Variants in OPHN1 observed in about 807,000 individuals in gnomAD.
OPHN1 encodes oligophrenin-1.
OPHN1 carries 11 observed loss-of-function variants against 60.7 expected under a neutral mutation model. The observed-to-expected ratio is 0.18, with a 90% CI of 0.11 to 0.30. The LOEUF (loss-of-function observed/expected upper bound fraction) is 0.30, where lower values mean the gene tolerates loss of function less well. OPHN1 is among the 10% of genes least tolerant of loss of function. OPHN1 has a pLI of 1.00. For synonymous variants in OPHN1, 226 were observed against 222.6 expected, an observed-to-expected ratio of 1.02 and a Z score of -0.14; for missense variants, 449 against 611.0, an observed-to-expected ratio of 0.73 and a Z score of 2.80.
chrX:68,328,031 T>A (rs1284372181), intron 2 of OPHN1, among the ~76,000 whole-genome samples: 1 of 94,160 alleles, frequency 1.1e-5, no homozygotes, highest in African/African-American at 4.1e-5. Context: ...GGGTTTCACC[T>A]TGTTAGCCAG....
At chrX:68,317,984 C>T (rs1366747263) in intron 2 of OPHN1, among the ~76,000 whole-genome samples, 1 of 111,764 alleles carries the variant, frequency 8.9e-6, no homozygotes. Context: ...TATTTCAAAG[C>T]GTCTGTATTT....
intron 5 of OPHN1, among the ~76,000 whole-genome samples, chrX:68,259,494 T>C (rs1375221926): frequency 9.0e-6 from 1 of 111,162 alleles, no homozygotes; most frequent in Non-Finnish European, 1.9e-5. Context: ...AAAAAAGCAA[T>C]ATATAAAAGA....
At chrX:68,201,374 T>C (rs895137826) in intron 11 of OPHN1, among the ~76,000 whole-genome samples, 8 of 112,073 alleles carry the variant, frequency 7.1e-5, no homozygotes, top group African/African-American at 2.6e-4. Context: ...AGAGACTTTT[T>C]CTTCCCAGAG....
intron 2 of OPHN1, among the ~76,000 whole-genome samples, chrX:68,405,683 T>A (rs1286844648): frequency 9.0e-6 from 1 of 111,423 alleles, no homozygotes; most frequent in Non-Finnish European, 1.9e-5. Context: ...CAGGTCTAAG[T>A]GGTAGATGAG....
At chrX:68,222,410 C>T (rs1346910262) in intron 6 of OPHN1, among the ~76,000 whole-genome samples, 1 of 107,820 alleles carries the variant, frequency 9.3e-6, no homozygotes, top group East Asian at 3.0e-4. Flanking sequence ...ACCATTTGAC[C>T]CAGTCATCCC....
At chrX:68,162,312 T>C (rs770281481) in intron 15 of OPHN1, among the ~76,000 whole-genome samples, 39 of 110,723 alleles carry the variant, frequency 3.5e-4, no homozygotes, top group Non-Finnish European at 5.9e-4. Context: ...TGAGTTCTTA[T>C]AGACTCATTA....
chrX:68,364,106 G>A (rs972856405), intron 2 of OPHN1, among the ~76,000 whole-genome samples: 2 of 111,617 alleles, frequency 1.8e-5, no homozygotes, highest in Non-Finnish European at 3.8e-5. Context: ...TAATAAGAAC[G>A]CATTCTTCAT....
intron 19 of OPHN1, among the ~76,000 whole-genome samples, chrX:68,076,943 T>C (rs2076955953): frequency 8.9e-6 from 1 of 112,096 alleles, no homozygotes; most frequent in Non-Finnish European, 1.9e-5. Context: ...TACAAAACTT[T>C]AGGAAACACA....
At chrX:68,081,124 G>T (rs1428648466) in intron 19 of OPHN1, among the ~76,000 whole-genome samples, 3 of 111,854 alleles carry the variant, frequency 2.7e-5, no homozygotes, top group African/African-American at 9.8e-5. Context: ...AGATAAAGCA[G>T]CTCAATGACA....
chrX:68,107,907 G>C (rs2077088421), intron 18 of OPHN1, among the ~76,000 whole-genome samples: 1 of 111,909 alleles, frequency 8.9e-6, no homozygotes, highest in Admixed American at 9.5e-5. Flanking sequence ...CTGGAATAAT[G>C]TGAACATCCT....
At chrX:68,417,458 G>A (rs1237803373) in intron 2 of OPHN1, among the ~76,000 whole-genome samples, 5 of 112,103 alleles carry the variant, frequency 4.5e-5, no homozygotes, top group Non-Finnish European at 9.4e-5. Flanking sequence ...AAAAAGCAAA[G>A]GTGCAAGGCT....
At chrX:68,060,776 T>C (rs1383694675) in intron 21 of OPHN1, among the ~76,000 whole-genome samples, 1 of 111,394 alleles carries the variant, frequency 9.0e-6, no homozygotes, top group African/African-American at 3.3e-5. Context: ...AGAGCTGAAA[T>C]GGGGTGACAA....
chrX:68,226,955 G>A (rs771565865), intron 6 of OPHN1, among the ~76,000 whole-genome samples: 70 of 111,603 alleles, frequency 6.3e-4, no homozygotes, highest in African/African-American at 2.1e-3. Context: ...AAAGAGTCAA[G>A]TCCCATCATT....
intron 2 of OPHN1, among the ~76,000 whole-genome samples, chrX:68,377,711 G>C (rs2078567938): frequency 9.1e-6 from 1 of 109,742 alleles, no homozygotes; most frequent in African/African-American, 3.3e-5. Context: ...ATAGTTTACT[G>C]AGAATGATGA....
Position 68,046,179 on chromosome X carries a change from T to C in OPHN1, c.*993A>G, listed in dbSNP as rs142606476. The C allele has an allele frequency of 5.4e-5, 6 of 112,074 alleles. No individual in the cohort carries two copies. The highest frequency in any genetic ancestry group is 1.9e-4 in the African/African-American group (6 of 30,868). The allele number at this position is 112,074 out of a possible 1,213,427, so 9.2% of individuals were successfully genotyped here. A position where few individuals can be genotyped will look rare whatever the true frequency, so the allele number is the denominator to read the frequency against. Reference sequence around the variant, plus strand: ...TGTGCATACCATCTCAGGGGCATCATGGAGTTTCTGAGTCCATGGACACTG... The same window carrying C: ...TGTGCATACCATCTCAGGGGCATCACGGAGTTTCTGAGTCCATGGACACTG... On this transcript the variant is annotated 3_prime_UTR_variant, in exon 25 of 25. Coordinates refer to ENST00000355520, the MANE Select transcript of OPHN1 (RefSeq NM_002547.3).
chrX:68,078,559 G>A lies in OPHN1; in HGVS notation c.1687-5260C>T, dbSNP rs747766979. ...GTGAGTGTTATTAATGGAGATAAAC[G>A]CATCATATATTATTTCCCTTTGCTC... On this transcript the variant is annotated intron_variant, in intron 19 of 24. Transcript: ENST00000355520. 8.1e-4 allele frequency among the ~76,000 whole-genome samples: 90 copies of A among 111,468 alleles called. 1 individual carries two copies. The highest frequency in any genetic ancestry group is 2.8e-3 in the African/African-American group (86 of 30,659).
At position 68,213,853 on chromosome X, in the gene OPHN1, A is replaced by G; in HGVS notation, c.597+9T>C. ...ATTTTTAGACCATTCATCAACAGAG[A>G]AAACTTACAGGCTCCACAATATTGA... On this transcript the variant is annotated intron_variant, in intron 7 of 24. Transcript: ENST00000355520. 1 of 1,084,050 alleles carries G rather than the reference A, an allele frequency of 9.2e-7. No homozygotes were observed. Among genetic ancestry groups the G allele is most frequent in the Non-Finnish European group, 1.3e-6 (1 of 781,371 alleles). 89.3% of individuals were successfully genotyped at this position (1,084,050 alleles called of 1,213,427 possible).
chrX:68,177,598 A>T (rs1023158744), intron 15 of OPHN1, among the ~76,000 whole-genome samples: 1 of 111,342 alleles, frequency 9.0e-6, no homozygotes, highest in Non-Finnish European at 1.9e-5. Flanking sequence ...CATGGTGCTA[A>T]CATCTGCTCG....
chrX:68,376,882 G>A (rs2078559968), intron 2 of OPHN1, among the ~76,000 whole-genome samples: 1 of 110,092 alleles, frequency 9.1e-6, no homozygotes, highest in Non-Finnish European at 1.9e-5. Flanking sequence ...CATATTTGTA[G>A]ATGACTATAC....
Sources: allele counts gnomAD v4.1 joint callset (sites outside exome capture counted in the v4.1 genomes callset), GRCh38; gene constraint gnomAD v4.1.1; transcripts MANE v1.5; gene names NCBI Gene and HGNC (gene_info 2026-07-23, HGNC 2026-07-21).